AHCY: variants seen among roughly 807,000 people sequenced by gnomAD.
AHCY encodes the protein S-adenosyl-L-homocysteine hydrolase.
AHCY carries 24 observed loss-of-function variants against 45.4 expected under a neutral mutation model. The ratio of observed to expected loss-of-function variants is 0.53; its 90% confidence interval spans 0.38 to 0.74. The LOEUF (loss-of-function observed/expected upper bound fraction) is 0.74, where lower values mean the gene tolerates loss of function less well. Among genes scored for constraint, AHCY ranks in the 30% least tolerant of loss-of-function variants. The probability of loss-of-function intolerance (pLI) is 0.00; values close to 1 mark genes in which losing one functional copy is unlikely to be tolerated. For synonymous variants in AHCY, 245 were observed against 235.1 expected (o/e 1.04, Z -0.39); for missense variants, 449 against 594.1 (o/e 0.76, Z 2.54).
chr20:34,285,341 G>A (rs2036137149), intron 9 of AHCY, 99 bp downstream of exon 9: 1 of 1,351,944 alleles, frequency 7.4e-7, no homozygotes, highest in South Asian at 1.2e-5. Context: ...CCTCTAAGAG[G>A]GCAGACAGGC....
At chr20:34,298,477 G>A (rs2036647738) in intron 1 of AHCY, among the ~76,000 whole-genome samples, 1 of 152,154 alleles carries the variant, frequency 6.6e-6, no homozygotes, top group Non-Finnish European at 1.5e-5. Flanking sequence ...CCACCAGAGG[G>A]CTCCTTGGTC....
chr20:34,240,128 A>G, the AHCY span, among the ~76,000 whole-genome samples: 2 of 152,214 alleles, frequency 1.3e-5, no homozygotes, highest in Non-Finnish European at 2.9e-5. Context: ...CATTGGCACT[A>G]AAGAATCATT....
intron 1 of AHCY, among the ~76,000 whole-genome samples, chr20:34,310,488 C>G (rs1239031968): frequency 6.6e-6 from 1 of 152,136 alleles, no homozygotes; most frequent in South Asian, 2.1e-4. Flanking sequence ...TTGGCACAAC[C>G]TTAATGAACA....
chr20:34,299,421 C>G (rs2036695670), intron 1 of AHCY, among the ~76,000 whole-genome samples: 1 of 152,218 alleles, frequency 6.6e-6, no homozygotes, highest in African/African-American at 2.4e-5. Flanking sequence ...CTGTGCTTTT[C>G]CACCTACCTT....
the AHCY span, among the ~76,000 whole-genome samples, chr20:34,249,189 T>C: frequency 1.3e-5 from 2 of 152,010 alleles, no homozygotes; most frequent in East Asian, 3.9e-4. Context: ...AAGTTATCCA[T>C]AGAGAGAAAG....
upstream of AHCY, among the ~76,000 whole-genome samples, chr20:34,306,101 A>T (rs927269933): frequency 2.4e-4 from 36 of 151,548 alleles, no homozygotes; most frequent in African/African-American, 8.0e-4. Flanking sequence ...AAAAAAAAGA[A>T]AAAAAAAGAA....
intron 2 of AHCY, 150 bp from the exon 3 acceptor site, chr20:34,294,306 G>T: frequency 1.3e-6 from 1 of 784,468 alleles, no homozygotes; most frequent in East Asian, 2.7e-5. Context: ...GGGGATGCTG[G>T]GTGGGCAGAT....
the AHCY span, among the ~76,000 whole-genome samples, chr20:34,273,222 CT>C: frequency 1.2e-3 from 163 of 141,292 alleles, no homozygotes; most frequent in African/African-American, 2.2e-3. Context: ...TGTGGTGACC[CT>C]TTTTTTTTTT....
chr20:34,301,336 C>T (rs1168505240), intron 1 of AHCY, among the ~76,000 whole-genome samples: 1 of 152,152 alleles, frequency 6.6e-6, no homozygotes, highest in Non-Finnish European at 1.5e-5. Context: ...CTTCAGTGCC[C>T]TCGAGGACAC....
intron 1 of AHCY, among the ~76,000 whole-genome samples, chr20:34,301,492 T>C (rs1406744813): frequency 6.6e-6 from 1 of 152,224 alleles, no homozygotes; most frequent in Admixed American, 6.5e-5. Flanking sequence ...CAAGAGCCCC[T>C]GTAAACATCA....
upstream of AHCY, among the ~76,000 whole-genome samples, chr20:34,305,997 G>T (rs536291121): frequency 2.7e-5 from 4 of 146,286 alleles, no homozygotes; most frequent in African/African-American, 1.0e-4. Flanking sequence ...GACAAGAATT[G>T]TTTGAACCCA....
chr20:34,260,790 G>A, the AHCY span, among the ~76,000 whole-genome samples: 1 of 152,214 alleles, frequency 6.6e-6, no homozygotes, highest in Non-Finnish European at 1.5e-5. Context: ...GGTGAACTTT[G>A]TTTAATTTAG....
chr20:34,244,922 C>G, the AHCY span, among the ~76,000 whole-genome samples: 2 of 152,196 alleles, frequency 1.3e-5, no homozygotes, highest in African/African-American at 4.8e-5. Flanking sequence ...AGACGTATTA[C>G]TGGTTAGGAA....
At chr20:34,288,749 AG>A (rs1267686766) in intron 8 of AHCY, among the ~76,000 whole-genome samples, 1 of 152,064 alleles carries the variant, frequency 6.6e-6, no homozygotes, top group East Asian at 1.9e-4. Context: ...GAGATTGCCC[AG>A]TCAAAGAGGT....
At chr20:34,268,297 G>C in the AHCY span, among the ~76,000 whole-genome samples, 9 of 152,192 alleles carry the variant, frequency 5.9e-5, no homozygotes, top group Admixed American at 4.6e-4. Flanking sequence ...CTGGGTTCCT[G>C]CAGCAGGAAC....
chr20:34,246,173 T>G, the AHCY span: 14 of 1,110,870 alleles, frequency 1.3e-5, no homozygotes, highest in Admixed American at 2.2e-5. Context: ...ATGTTTCTTC[T>G]TTGCTCTAGG....
chr20:34,292,425 G>A lies in AHCY; in HGVS notation c.378C>T (p.Asn126=), dbSNP rs1299116248. 6.2e-7 allele frequency: 1 copy of A among 1,614,058 alleles called. No individual in the cohort carries two copies. Residue 126 remains asparagine, a synonymous_variant, in exon 4 of 10, where the codon AAC becomes AAT. Transcript: ENST00000217426. ...QTLYFKDGPL[N]MILDDGGDLT... ...GGTCGCCCCCGTCGTCCAGAATCAT[G>A]TTGAGGGGCCCGTCCTTGAAGTACA... is the stretch of plus-strand genomic sequence containing the variant.
downstream of AHCY, among the ~76,000 whole-genome samples, chr20:34,279,012 G>C (rs963264488): frequency 6.6e-6 from 1 of 150,472 alleles, no homozygotes; most frequent in African/African-American, 2.4e-5. Flanking sequence ...GGGAGGCTGA[G>C]GCAGGAGAAT....
chr20:34,253,372 C>T, the AHCY span, among the ~76,000 whole-genome samples: 4 of 151,838 alleles, frequency 2.6e-5, no homozygotes, highest in Admixed American at 2.6e-4. Flanking sequence ...TCCCAAAGTG[C>T]TGGGATTACG....
Sources: gnomAD v4.1 joint callset for allele counts (sites outside exome capture counted in the v4.1 genomes callset) on GRCh38, gnomAD v4.1.1 for gene constraint, MANE v1.5 for transcripts, NCBI Gene and HGNC (gene_info 2026-07-23, HGNC 2026-07-21) for gene names.